The following LEO1 variants were observed in gnomAD, a reference collection of about 807,000 sequenced individuals.
LEO1 encodes LEO1 component of Paf1/RNA polymerase II complex, also known as RNA polymerase-associated protein LEO1.
In LEO1, 34 loss-of-function variants were observed where a neutral mutation model predicts 80.4. The observed-to-expected ratio is 0.42, with a 90% CI of 0.32 to 0.56. The LOEUF is 0.56. Among genes scored for constraint, LEO1 ranks in the 20% least tolerant of loss-of-function variants. The pLI is 0.10. For synonymous variants in LEO1, 262 were observed against 274.9 expected (o/e 0.95, Z 0.46); for missense variants, 631 against 814.2 (o/e 0.77, Z 2.74).
chr15:51,953,979 G>T (rs1333053685), intron 7 of LEO1, among the ~76,000 whole-genome samples: 1 of 151,282 alleles, frequency 6.6e-6, no homozygotes, highest in Non-Finnish European at 1.5e-5. Context: ...TGTTGCCCAG[G>T]CTGGAGTGCA....
intron 3 of LEO1, among the ~76,000 whole-genome samples, chr15:51,961,352 AGGTGGTGGTGGTGGTGGTGGTGGT>A (rs367548538): frequency 2.9e-5 from 4 of 139,826 alleles, no homozygotes; most frequent in East Asian, 2.3e-4. Context: ...TTATAATACC[AGGTGGTGGTGGTGGTGGTGGTGGT>A]GGTGGTGGTG....
intron 1 of LEO1, among the ~76,000 whole-genome samples, chr15:51,967,609 T>C (rs766616163): frequency 2.6e-5 from 4 of 152,168 alleles, no homozygotes; most frequent in Non-Finnish European, 5.9e-5. Context: ...TATCAGACTG[T>C]CAAAGACAAA....
chr15:51,963,700 G>A (rs138602520), intron 2 of LEO1, among the ~76,000 whole-genome samples: 40 of 151,934 alleles, frequency 2.6e-4, no homozygotes, highest in African/African-American at 8.4e-4. Context: ...TCAGGAGTTC[G>A]AGACCGGCCA....
chr15:51,939,520 GAA>G (rs926727110), intron 11 of LEO1, among the ~76,000 whole-genome samples: 2 of 152,142 alleles, frequency 1.3e-5, no homozygotes, highest in African/African-American at 4.8e-5. Context: ...TGACAGCAGT[GAA>G]ATACCTAAAC....
intron 10 of LEO1, among the ~76,000 whole-genome samples, chr15:51,948,840 A>G (rs2056923166): frequency 6.6e-6 from 1 of 152,200 alleles, no homozygotes; most frequent in Admixed American, 6.5e-5. Flanking sequence ...TCGTCTTGCT[A>G]CTGGCTTGGG....
intron 8 of LEO1, 161 bp from the exon 9 acceptor site, chr15:51,952,140 G>T (rs1244246741): frequency 9.6e-6 from 5 of 519,024 alleles, no homozygotes; most frequent in Non-Finnish European, 9.9e-6. Context: ...AAGATTGTGA[G>T]TTTTCTTCAT....
At chr15:51,945,561 A>AC (rs1280590699) in intron 11 of LEO1, among the ~76,000 whole-genome samples, 2 of 151,448 alleles carry the variant, frequency 1.3e-5, no homozygotes, top group Admixed American at 6.6e-5. Flanking sequence ...AACTCCCAAG[A>AC]CCCCCCAGAG....
At chr15:51,959,769 C>G in intron 5 of LEO1, 130 bp downstream of exon 5, 1 of 792,858 alleles carries the variant, frequency 1.3e-6, no homozygotes, top group Non-Finnish European at 1.9e-6. Flanking sequence ...ATGTGCTTGA[C>G]TAATTTTTTC....
intron 6 of LEO1, among the ~76,000 whole-genome samples, chr15:51,956,608 G>T (rs1021717476): frequency 7.2e-5 from 11 of 152,062 alleles, no homozygotes; most frequent in African/African-American, 2.7e-4. Context: ...CCTCAGAGAG[G>T]TACATAAGCT....
chr15:51,965,313 G>A (rs146750025), intron 2 of LEO1, among the ~76,000 whole-genome samples: 1 of 152,290 alleles, frequency 6.6e-6, no homozygotes, highest in East Asian at 1.9e-4. Flanking sequence ...AAAAAGCTGA[G>A]CTGCAGCAAT....
chr15:51,951,971 G>A lies in LEO1; in HGVS notation c.1484C>T (p.Ser495Phe), dbSNP rs1162013534. The A allele has an allele frequency of 6.2e-7, 1 of 1,612,440 alleles. No individual in the cohort carries two copies. The highest frequency in any genetic ancestry group is 8.5e-7 in the Non-Finnish European group (1 of 1,179,120). Residue 495 changes from serine to phenylalanine, a missense_variant, in exon 9 of 12, where the codon TCT becomes TTT. Ser to Phe is a radical substitution (Grantham distance 155). This residue lies in a region of LEO1 where 25 missense variants were observed against 83.5 expected (regional missense o/e 0.30). Coordinates refer to ENST00000299601, the MANE Select transcript of LEO1 (RefSeq NM_138792.4). ...CTTTCTATGTGTGGCACTGTCCGTA[G>A]AGTGAGGTCTGCCAGGAAATAAACG... is the stretch of plus-strand genomic sequence containing the variant. Reference protein sequence around the residue: ...FKTKLTFRPHSTDSATHRKMT... With the variant: ...FKTKLTFRPHFTDSATHRKMT...
At chr15:51,962,922 C>T (rs754861116) in intron 2 of LEO1, among the ~76,000 whole-genome samples, 1 of 117,088 alleles carries the variant, frequency 8.5e-6, no homozygotes, top group Non-Finnish European at 1.8e-5. Context: ...ACATGCAGAA[C>T]ATGCCCCCCC....
At chr15:51,963,045 G>A (rs975417094) in intron 2 of LEO1, among the ~76,000 whole-genome samples, 1 of 152,044 alleles carries the variant, frequency 6.6e-6, no homozygotes, top group East Asian at 1.9e-4. Flanking sequence ...GAGAGGACGA[G>A]GTGGGTGGAT....
intron 5 of LEO1, 109 bp downstream of exon 5, chr15:51,959,790 G>T (rs1595941925): frequency 9.8e-7 from 1 of 1,024,754 alleles, no homozygotes; most frequent in Non-Finnish European, 1.4e-6. Flanking sequence ...AGAGATACAC[G>T]ATCAATTTTC....
chr15:51,942,521 T>C (rs953004458), intron 11 of LEO1, among the ~76,000 whole-genome samples: 1 of 152,030 alleles, frequency 6.6e-6, no homozygotes, highest in Non-Finnish European at 1.5e-5. Flanking sequence ...AAGAAAAAAA[T>C]AGCATCTGCT....
At position 51,968,777 on chromosome 15, in the gene LEO1, C is replaced by T. The variant is rs146091758; in HGVS notation, c.59-2273G>A. 4.4e-3 allele frequency among the ~76,000 whole-genome samples: 665 copies of T among 151,712 alleles called. 6 individuals are homozygous for T. The highest frequency in any genetic ancestry group is 0.015 in the African/African-American group (637 of 41,370). The stretch of plus-strand genomic sequence containing the variant: ...CCAGAAGGCGGAGGTTGCTGTAAGC[C>T]GAGATTGCGCCACTGCACTCCAGCC... On this transcript the variant is annotated intron_variant, in intron 1 of 11. Coordinates refer to ENST00000299601, the MANE Select transcript of LEO1 (RefSeq NM_138792.4).
Position 51,959,885 on chromosome 15 carries a change from A to G in LEO1, c.1160+14T>C, listed in dbSNP as rs1483591690. The G allele has an allele frequency of 6.4e-7, 1 of 1,553,650 alleles. No individual in the cohort carries two copies. The highest frequency in any genetic ancestry group is 2.3e-5 in the East Asian group (1 of 42,912). ...TACTCAACATCCTGAAAAAATTTTA[A>G]TTGATTTCCTTACCTGGGCTCTACA... On this transcript the variant is annotated intron_variant, in intron 5 of 11. Coordinates refer to ENST00000299601, the MANE Select transcript of LEO1 (RefSeq NM_138792.4).
chr15:51,964,823 AC>A (rs1439870577), intron 2 of LEO1, among the ~76,000 whole-genome samples: 1 of 152,240 alleles, frequency 6.6e-6, no homozygotes, highest in Non-Finnish European at 1.5e-5. Context: ...AATTAAGGTA[AC>A]TTTTATATAA....
chr15:51,960,114 T>C (rs2057018646), intron 4 of LEO1, 70 bp from the exon 5 acceptor site: 1 of 1,253,374 alleles, frequency 8.0e-7, no homozygotes, highest in Admixed American at 2.1e-5. Flanking sequence ...CTCCACACTT[T>C]AATTACTCTG....
Sources: gnomAD v4.1 joint callset for allele counts (sites outside exome capture counted in the v4.1 genomes callset) on GRCh38, gnomAD v4.1.1 for gene constraint, gnomAD v4.1.1 regional missense constraint, MANE v1.5 for transcripts, NCBI Gene and HGNC (gene_info 2026-07-23, HGNC 2026-07-21) for gene names.